Variants in SMYD3 observed in about 807,000 individuals in gnomAD.
The protein encoded by SMYD3 is histone-lysine N-methyltransferase SMYD3.
SMYD3 carries 36 observed loss-of-function variants against 57.7 expected under a neutral mutation model. That is an observed-to-expected ratio of 0.62 (90% CI 0.48 to 0.82). SMYD3 has a LOEUF of 0.82. SMYD3 is among the 40% of genes least tolerant of loss of function. SMYD3 has a pLI of 0.00. For synonymous variants in SMYD3, 211 were observed against 195.0 expected (o/e 1.08, Z -0.68); for missense variants, 515 against 538.8 (o/e 0.96, Z 0.44).
At chr1:246,441,698 A>G (rs1230183844) in intron 1 of SMYD3, among the ~76,000 whole-genome samples, 2 of 151,816 alleles carry the variant, frequency 1.3e-5, no homozygotes, top group African/African-American at 4.8e-5. Context: ...CACAACCTCC[A>G]CCTCCTGGGT....
chr1:246,009,551 C>A (rs1366193248), intron 5 of SMYD3, among the ~76,000 whole-genome samples: 1 of 151,784 alleles, frequency 6.6e-6, no homozygotes, highest in Non-Finnish European at 1.5e-5. Context: ...GGTAACAACG[C>A]AAAAGGCAAT....
intron 10 of SMYD3, among the ~76,000 whole-genome samples, chr1:245,817,244 C>G (rs1456277314): frequency 6.9e-6 from 1 of 144,578 alleles, no homozygotes; most frequent in African/African-American, 2.6e-5. Context: ...TGACCCCTGA[C>G]CCCCGAGCAG....
At chr1:246,430,303 A>T (rs559725811) in intron 1 of SMYD3, among the ~76,000 whole-genome samples, 48 of 152,392 alleles carry the variant, frequency 3.1e-4, no homozygotes, top group Non-Finnish European at 5.1e-4. Context: ...CAGTTCCAGC[A>T]TCAAGATAAC....
At chr1:246,414,972 C>T (rs374322802) in intron 1 of SMYD3, among the ~76,000 whole-genome samples, 1 of 152,226 alleles carries the variant, frequency 6.6e-6, no homozygotes, top group East Asian at 1.9e-4. Context: ...CTGCCTCGGC[C>T]TCCCAAAGTC....
intron 1 of SMYD3, among the ~76,000 whole-genome samples, chr1:246,383,756 G>T (rs2066426870): frequency 6.6e-6 from 1 of 152,182 alleles, no homozygotes. Flanking sequence ...GAGGTCAAGA[G>T]TTCTACCAAA....
chr1:246,337,452 C>T (rs1032801006), intron 2 of SMYD3, among the ~76,000 whole-genome samples: 1 of 152,126 alleles, frequency 6.6e-6, no homozygotes, highest in Non-Finnish European at 1.5e-5. Context: ...AATTTACATT[C>T]ATTTGCACTC....
At chr1:246,449,405 T>C (rs1395487262) in intron 1 of SMYD3, among the ~76,000 whole-genome samples, 1 of 152,144 alleles carries the variant, frequency 6.6e-6, no homozygotes, top group Non-Finnish European at 1.5e-5. Flanking sequence ...CAGAATAAAA[T>C]CAATTAGTTA....
intron 5 of SMYD3, among the ~76,000 whole-genome samples, chr1:246,199,110 C>CT (rs34245339): frequency 0.072 from 10,942 of 152,022 alleles, 701 homozygotes; most frequent in East Asian, 0.24. Context: ...TTTTTCAGCC[C>CT]TTGCCCCCAT....
intron 10 of SMYD3, among the ~76,000 whole-genome samples, chr1:245,853,546 T>G (rs9287181): frequency 0.97 from 146,978 of 152,280 alleles, 71,003 homozygotes; most frequent in Non-Finnish European, 0.99. Context: ...GTCTTCCCAC[T>G]ATAACATGTA....
At position 245,749,577 on chromosome 1, in the gene SMYD3, T is replaced by G. The variant is rs938623740; in HGVS notation, c.1273A>C (p.Ile425Leu). The change falls in exon 12 of 12, where the codon ATC becomes CTC. Residue 425 changes from isoleucine (I) to leucine (L), a missense_variant. Ile to Leu is a conservative substitution (Grantham distance 5). Coordinates refer to ENST00000490107, the MANE Select transcript of SMYD3 (RefSeq NM_001167740.2). ...ACTGCGTTCCCTTAGGATGCTCTGA[T>G]GTTGGCGTCGCATTCTTCTAAAAGT... Reference protein sequence around the residue: ...ILLLEECDANIRAS With the variant: ...ILLLEECDANLRAS 12 of 1,614,026 alleles carry G rather than the reference T, an allele frequency of 7.4e-6. No homozygotes were observed. The highest frequency in any genetic ancestry group is 7.6e-6 in the Non-Finnish European group (9 of 1,179,862).
intron 5 of SMYD3, among the ~76,000 whole-genome samples, chr1:246,236,319 C>T (rs1177056046): frequency 6.6e-6 from 1 of 152,204 alleles, no homozygotes; most frequent in African/African-American, 2.4e-5. Flanking sequence ...CAGCCTCAAC[C>T]TCCTGGGCTC....
chr1:245,983,998 C>CTTTTTTT (rs534310953), intron 5 of SMYD3, among the ~76,000 whole-genome samples: 1 of 134,446 alleles, frequency 7.4e-6, no homozygotes, highest in African/African-American at 2.8e-5. Flanking sequence ...CAAGTCTACT[C>CTTTTTTT]TTTTTTTTTT....
intron 10 of SMYD3, among the ~76,000 whole-genome samples, chr1:245,833,968 C>CT (rs1483721691): frequency 1.3e-5 from 2 of 152,206 alleles, no homozygotes; most frequent in African/African-American, 4.8e-5. Context: ...AAAACATGGG[C>CT]TTTTTATTTT....
chr1:245,941,157 T>C (rs974747097), intron 5 of SMYD3, among the ~76,000 whole-genome samples: 1 of 152,128 alleles, frequency 6.6e-6, no homozygotes, highest in Non-Finnish European at 1.5e-5. Context: ...CCAAGAACTA[T>C]TGGTTTATAT....
At position 245,858,671 on chromosome 1, in the gene SMYD3, C is replaced by A; in HGVS notation, c.902-1G>T. On this transcript the variant is annotated splice_acceptor_variant, in intron 9 of 11. Coordinates refer to ENST00000490107, the MANE Select transcript of SMYD3 (RefSeq NM_001167740.2). LOFTEE classifies it high-confidence loss of function. ...CACATGGCCAGAACCTGCTCCCACT[C>A]TGTTATTAACCTTAGTTAAGGATTC... The A allele has an allele frequency of 6.2e-7, 1 of 1,612,506 alleles. No individual in the cohort carries two copies. The highest frequency in any genetic ancestry group is 8.5e-7 in the Non-Finnish European group (1 of 1,179,504).
Position 246,329,054 on chromosome 1 carries a change from T to C in SMYD3, c.394+1426A>G, listed in dbSNP as rs1490312561. 4.6e-5 allele frequency among the ~76,000 whole-genome samples: 7 copies of C among 152,344 alleles called. No individual in the cohort carries two copies. In the East Asian group the frequency reaches 1.3e-3, roughly 29 times the overall value. The stretch of plus-strand genomic sequence containing the variant: ...TTTATGGATGCATAGTATTCCATGG[T>C]GTATATGTGCCATATTTTCTTAATC... On this transcript the variant is annotated intron_variant, in intron 4 of 11. Coordinates refer to ENST00000490107, the MANE Select transcript of SMYD3 (RefSeq NM_001167740.2).
At chr1:245,928,275 A>G (rs2056512707) in intron 6 of SMYD3, among the ~76,000 whole-genome samples, 1 of 152,140 alleles carries the variant, frequency 6.6e-6, no homozygotes, top group South Asian at 2.1e-4. Context: ...ATAATAAAAA[A>G]ATTTCCTGAG....
chr1:246,486,715 A>G (rs553509199), intron 1 of SMYD3, among the ~76,000 whole-genome samples: 45 of 152,314 alleles, frequency 3.0e-4, no homozygotes, highest in African/African-American at 1.0e-3. Context: ...GTACAGTCCT[A>G]TTTTTCAGTA....
intron 5 of SMYD3, chr1:245,955,856 G>A: frequency 1.2e-6 from 1 of 821,892 alleles, no homozygotes; most frequent in Non-Finnish European, 1.4e-6. Context: ...CTGCATTGAT[G>A]ATTTTGCAAT....
Sources: gnomAD v4.1 joint callset for allele counts (sites outside exome capture counted in the v4.1 genomes callset) on GRCh38, gnomAD v4.1.1 for gene constraint, MANE v1.5 for transcripts, NCBI Gene and HGNC (gene_info 2026-07-23, HGNC 2026-07-21) for gene names.